ROBO1: variants seen among roughly 807,000 people sequenced by gnomAD.
ROBO1 encodes the protein roundabout homolog 1.
In ROBO1, 149 loss-of-function variants were observed where a neutral mutation model predicts 195.9. That is an observed-to-expected ratio of 0.76 (90% CI 0.67 to 0.87). The LOEUF (loss-of-function observed/expected upper bound fraction) is 0.87. Among genes scored for constraint, ROBO1 ranks in the 40% least tolerant of loss-of-function variants. The probability of loss-of-function intolerance (pLI) is 0.00; values close to 1 mark genes in which losing one functional copy is unlikely to be tolerated. For synonymous variants in ROBO1, 816 were observed against 733.2 expected (o/e 1.11, Z -1.82); for missense variants, 1,933 against 2,068.3 (o/e 0.93, Z 1.27).
At chr3:78,822,095 C>CACACACAG (rs1191324884) in intron 4 of ROBO1, among the ~76,000 whole-genome samples, 1 of 145,474 alleles carries the variant, frequency 6.9e-6, no homozygotes, top group Non-Finnish European at 1.5e-5. Context: ...CATATACATA[C>CACACACAG]ACACACACAC....
intron 4 of ROBO1, among the ~76,000 whole-genome samples, chr3:78,841,741 C>G (rs2033219946): frequency 6.6e-6 from 1 of 152,012 alleles, no homozygotes. Flanking sequence ...TATGACATAG[C>G]CAATTTCCCT....
At chr3:78,771,727 G>A (rs1251220487) in intron 4 of ROBO1, among the ~76,000 whole-genome samples, 1 of 152,022 alleles carries the variant, frequency 6.6e-6, no homozygotes, top group Admixed American at 6.6e-5. Flanking sequence ...ACAAATTTTT[G>A]TAAAATGATT....
intron 4 of ROBO1, among the ~76,000 whole-genome samples, chr3:78,754,061 A>T (rs1282046425): frequency 1.3e-5 from 2 of 152,222 alleles, no homozygotes; most frequent in Non-Finnish European, 2.9e-5. Context: ...TGTGATTTTA[A>T]CAGGTACGTT....
intron 3 of ROBO1, among the ~76,000 whole-genome samples, chr3:79,092,349 T>C (rs1246325031): frequency 6.6e-6 from 1 of 152,094 alleles, no homozygotes. Context: ...TTTTACTAGA[T>C]GTTTAATTTT....
chr3:78,885,540 T>C (rs1240429374), intron 4 of ROBO1, among the ~76,000 whole-genome samples: 5 of 151,154 alleles, frequency 3.3e-5, no homozygotes, highest in Admixed American at 6.6e-5. Flanking sequence ...AGTAGTTATA[T>C]TGGTAAAGTA....
At chr3:79,013,663 C>T (rs572046509) in intron 3 of ROBO1, among the ~76,000 whole-genome samples, 1 of 152,274 alleles carries the variant, frequency 6.6e-6, no homozygotes, top group African/African-American at 2.4e-5. Flanking sequence ...CAGCTTGGTT[C>T]AAATCCCTGC....
intron 4 of ROBO1, among the ~76,000 whole-genome samples, chr3:78,911,627 C>G (rs2038245930): frequency 6.6e-6 from 1 of 152,092 alleles, no homozygotes; most frequent in East Asian, 1.9e-4. Flanking sequence ...CACTAGTAAC[C>G]CGACCTTTAA....
At chr3:78,631,705 T>G (rs1160113561) in intron 24 of ROBO1, among the ~76,000 whole-genome samples, 1 of 152,230 alleles carries the variant, frequency 6.6e-6, no homozygotes, top group Admixed American at 6.5e-5. Context: ...AGAGTTCCAC[T>G]GTTGCATTAA....
intron 1 of ROBO1, among the ~76,000 whole-genome samples, chr3:79,668,926 T>C (rs1269051147): frequency 1.3e-5 from 2 of 151,854 alleles, no homozygotes; most frequent in African/African-American, 4.8e-5. Flanking sequence ...AGTACTATAG[T>C]CATGTGCTAT....
intron 4 of ROBO1, 150 bp from the exon 5 acceptor site, chr3:78,747,050 AC>A: frequency 4.4e-6 from 2 of 454,854 alleles, no homozygotes; most frequent in Non-Finnish European, 3.7e-6. Context: ...CTACTTATAG[AC>A]ATCTGCAATT....
chr3:78,616,025 A>G lies in ROBO1; in HGVS notation c.4283-1225T>C, dbSNP rs1308901232. On this transcript the variant is annotated intron_variant, in intron 27 of 30. Transcript: ENST00000464233. ...CCTCTCTTTAGCTATGATGGAGACT[A>G]TTACAATTAAAGTTACATATCCATG... 2.6e-5 allele frequency among the ~76,000 whole-genome samples: 4 copies of G among 152,160 alleles called. No homozygotes were observed. The East Asian group carries it at 7.7e-4, about 29-fold the overall frequency.
At chr3:78,631,486 T>C (rs769051604) in intron 24 of ROBO1, among the ~76,000 whole-genome samples, 181 bp from the exon 25 acceptor site, 5 of 152,166 alleles carry the variant, frequency 3.3e-5, no homozygotes, top group Admixed American at 6.5e-5. Context: ...GGTACTGCCA[T>C]GAATAACTGC....
chr3:78,992,869 G>A (rs1011421626), intron 3 of ROBO1, among the ~76,000 whole-genome samples: 2 of 152,172 alleles, frequency 1.3e-5, no homozygotes, highest in African/African-American at 4.8e-5. Context: ...TTCAAGGAAA[G>A]CTCTGAGGTG....
intron 2 of ROBO1, among the ~76,000 whole-genome samples, chr3:79,553,733 C>T (rs1294205628): frequency 2.0e-5 from 3 of 152,006 alleles, no homozygotes; most frequent in Admixed American, 6.6e-5. Flanking sequence ...GCTATCAGCA[C>T]AGAAATACTG....
At chr3:79,456,163 T>G (rs935472668) in intron 2 of ROBO1, among the ~76,000 whole-genome samples, 1 of 152,184 alleles carries the variant, frequency 6.6e-6, no homozygotes, top group African/African-American at 2.4e-5. Context: ...ATGAGAAATT[T>G]TAATTAGAAG....
At chr3:78,912,328 G>A (rs1475470147) in intron 4 of ROBO1, among the ~76,000 whole-genome samples, 1 of 152,008 alleles carries the variant, frequency 6.6e-6, no homozygotes, top group Non-Finnish European at 1.5e-5. Context: ...TCAGCTGCGA[G>A]GTGAGACTAC....
intron 8 of ROBO1, among the ~76,000 whole-genome samples, chr3:78,710,507 T>G (rs1249080295): frequency 1.3e-5 from 2 of 152,220 alleles, no homozygotes; most frequent in African/African-American, 4.8e-5. Flanking sequence ...GCAATAAAGC[T>G]ATCAATAATA....
At chr3:78,686,112 T>C (rs1475618861) in intron 9 of ROBO1, among the ~76,000 whole-genome samples, 195 bp from the exon 10 acceptor site, 3 of 152,266 alleles carry the variant, frequency 2.0e-5, no homozygotes, top group Admixed American at 2.0e-4. Context: ...TATATACATG[T>C]CCATGCATGT....
chr3:79,676,834 G>T (rs1163308140), intron 1 of ROBO1, among the ~76,000 whole-genome samples: 1 of 151,986 alleles, frequency 6.6e-6, no homozygotes, highest in African/African-American at 2.4e-5. Flanking sequence ...AGAATGAGGG[G>T]GAGTCAGTTT....
Sources: gnomAD v4.1 joint callset for allele counts (sites outside exome capture counted in the v4.1 genomes callset) on GRCh38, gnomAD v4.1.1 for gene constraint, MANE v1.5 for transcripts, NCBI Gene and HGNC (gene_info 2026-07-23, HGNC 2026-07-21) for gene names.